KIAA1671: variants seen among roughly 807,000 people sequenced by gnomAD.
KIAA1671 encodes the protein KIAA1671, also known as uncharacterized protein KIAA1671.
In KIAA1671, 52 loss-of-function variants were observed where a neutral mutation model predicts 131.2. The observed-to-expected ratio is 0.40, with a 90% CI of 0.32 to 0.50. The LOEUF is 0.50. Among genes scored for constraint, KIAA1671 ranks in the 20% least tolerant of loss-of-function variants. The pLI, the probability that KIAA1671 is intolerant of heterozygous loss-of-function variation, is 0.73. For synonymous variants in KIAA1671, 1,003 were observed against 961.6 expected (o/e 1.04, Z -0.80); for missense variants, 2,360 against 2,364.2 (o/e 1.00, Z 0.04).
At chr22:24,968,058 T>A (rs1319857281) in intron 1 of KIAA1671, among the ~76,000 whole-genome samples, 1 of 152,100 alleles carries the variant, frequency 6.6e-6, no homozygotes, top group South Asian at 2.1e-4. Context: ...CACCTTCTTC[T>A]TGGAGAGGCG....
intron 6 of KIAA1671, among the ~76,000 whole-genome samples, chr22:25,085,092 G>T (rs1312175033): frequency 1.3e-5 from 2 of 152,252 alleles, no homozygotes; most frequent in Non-Finnish European, 2.9e-5. Flanking sequence ...GGCAGGAGTG[G>T]CAGAGAATGT....
chr22:24,994,771 G>A (rs537390109), intron 1 of KIAA1671, among the ~76,000 whole-genome samples: 61 of 152,290 alleles, frequency 4.0e-4, no homozygotes, highest in African/African-American at 9.4e-4. Context: ...TCTGAGCCCA[G>A]AGAGGTCATT....
chr22:24,987,193 CAG>C (rs1219985882), intron 1 of KIAA1671, among the ~76,000 whole-genome samples: 1 of 147,418 alleles, frequency 6.8e-6, no homozygotes, highest in Non-Finnish European at 1.5e-5. Context: ...TTTTCTGAGA[CAG>C]AGTCTCGCCC....
chr22:25,082,374 CG>C (rs1430277552), intron 6 of KIAA1671, among the ~76,000 whole-genome samples: 1 of 152,104 alleles, frequency 6.6e-6, no homozygotes, highest in African/African-American at 2.4e-5. Context: ...AACCACAATG[CG>C]CAGAGGCCAG....
At chr22:25,135,277 C>T (rs1408333139) in intron 6 of KIAA1671, among the ~76,000 whole-genome samples, 1 of 152,232 alleles carries the variant, frequency 6.6e-6, no homozygotes, top group Non-Finnish European at 1.5e-5. Context: ...GCTCCGCCTC[C>T]TGGGTTCACA....
chr22:25,146,265 C>A (rs529564774), intron 6 of KIAA1671, among the ~76,000 whole-genome samples: 1 of 152,206 alleles, frequency 6.6e-6, no homozygotes, highest in Non-Finnish European at 1.5e-5. Context: ...GAACCAAGAC[C>A]CAACCCAGGT....
At chr22:25,160,114 G>A (rs6004457) in intron 6 of KIAA1671, among the ~76,000 whole-genome samples, 186 of 152,316 alleles carry the variant, frequency 1.2e-3, no homozygotes, top group African/African-American at 4.4e-3. Flanking sequence ...CCATCAAGCT[G>A]CAGAGAGCTG....
At chr22:25,186,058 G>A (rs544705189) in intron 11 of KIAA1671, 1 of 152,356 alleles carries the variant, frequency 6.6e-6, no homozygotes, top group East Asian at 1.9e-4. Flanking sequence ...ATCAGTTTTT[G>A]TAAGTAAGCT....
At chr22:25,091,375 A>G (rs1480193240) in intron 6 of KIAA1671, among the ~76,000 whole-genome samples, 1 of 152,146 alleles carries the variant, frequency 6.6e-6, no homozygotes, top group East Asian at 1.9e-4. Flanking sequence ...TTCTATTTCA[A>G]GCAAAGGTGT....
chr22:25,095,782 T>C (rs2145887937), intron 6 of KIAA1671, among the ~76,000 whole-genome samples: 1 of 152,376 alleles, frequency 6.6e-6, no homozygotes, highest in South Asian at 2.1e-4. Flanking sequence ...TCTTTGCTCC[T>C]TTTCATGGTT....
At chr22:25,188,340 C>T (rs558244760) in intron 11 of KIAA1671, among the ~76,000 whole-genome samples, 103 of 152,154 alleles carry the variant, frequency 6.8e-4, no homozygotes, top group African/African-American at 2.4e-3. Flanking sequence ...TCTCACCTCC[C>T]CAAAACAATT....
At chr22:25,152,953 G>A (rs977035995) in intron 6 of KIAA1671, among the ~76,000 whole-genome samples, 1 of 151,960 alleles carries the variant, frequency 6.6e-6, no homozygotes, top group African/African-American at 2.4e-5. Context: ...CACATGGTAA[G>A]GCTCTTCCTA....
At chr22:25,157,447 G>C (rs1432713083) in intron 6 of KIAA1671, among the ~76,000 whole-genome samples, 1 of 152,078 alleles carries the variant, frequency 6.6e-6, no homozygotes, top group Non-Finnish European at 1.5e-5. Context: ...ACTTATGTCT[G>C]CCTCATTCTT....
At chr22:25,012,574 C>T (rs1204386359) in intron 1 of KIAA1671, 1 of 152,164 alleles carries the variant, frequency 6.6e-6, no homozygotes, top group African/African-American at 2.4e-5. Flanking sequence ...TGCCCGGCCA[C>T]TTTTCCCCTT....
At chr22:25,186,684 TGA>T (rs1167587831) in intron 11 of KIAA1671, among the ~76,000 whole-genome samples, 2 of 152,284 alleles carry the variant, frequency 1.3e-5, no homozygotes, top group Non-Finnish European at 2.9e-5. Flanking sequence ...CCACGGGCAG[TGA>T]GAGGGGATCC....
In KIAA1671 at chr22:25,193,132, G is replaced by A. The variant is rs1934722231; in HGVS notation, c.*731G>A. On this transcript the variant is annotated 3_prime_UTR_variant, in exon 13 of 13. Transcript: ENST00000358431. ...TTTGAAACTTGATAGGTATATATGTGTTTACGTTAAAGGACAGGAGGAAAG... is the reference window on the plus strand; with the variant it reads ...TTTGAAACTTGATAGGTATATATGTATTTACGTTAAAGGACAGGAGGAAAG... 6.6e-6 allele frequency: 1 copy of A among 152,114 alleles called. No individual in the cohort carries two copies. The highest frequency in any genetic ancestry group is 1.5e-5 in the Non-Finnish European group (1 of 68,030). The allele number at this position is 152,114 out of a possible 1,614,324, so 9.4% of individuals were successfully genotyped here.
At chr22:25,062,239 C>A in intron 6 of KIAA1671, 1 of 153,458 alleles carries the variant, frequency 6.5e-6, no homozygotes. Context: ...CACCTTTACC[C>A]CTTCCTCTCT....
At chr22:24,974,898 T>C (rs1433108663) in intron 1 of KIAA1671, among the ~76,000 whole-genome samples, 1 of 152,128 alleles carries the variant, frequency 6.6e-6, no homozygotes, top group Non-Finnish European at 1.5e-5. Context: ...TTCACCACAC[T>C]GGTCAGGCTG....
At chr22:24,978,536 A>C (rs2103587) in intron 1 of KIAA1671, among the ~76,000 whole-genome samples, 83,569 of 152,030 alleles carry the variant, frequency 0.55, 23,493 homozygotes, top group East Asian at 0.8. Flanking sequence ...AGTAACTTCA[A>C]GGCTACCTAG....
Sources: gnomAD v4.1 joint callset for allele counts (sites outside exome capture counted in the v4.1 genomes callset) on GRCh38, gnomAD v4.1.1 for gene constraint, MANE v1.5 for transcripts, NCBI Gene and HGNC (gene_info 2026-07-23, HGNC 2026-07-21) for gene names.